MCUB: variants seen among roughly 807,000 people sequenced by gnomAD.
The protein encoded by MCUB is mitochondrial calcium uniporter dominant negative subunit beta, also known as calcium uniporter regulatory subunit MCUb, mitochondrial.
MCUB carries 46 observed loss-of-function variants against 41.4 expected under a neutral mutation model. The ratio of observed to expected loss-of-function variants is 1.11; its 90% confidence interval spans 0.88 to 1.42. MCUB has a LOEUF of 1.42. Ranked by LOEUF, MCUB falls within the 40% of genes most tolerant of loss-of-function variation. The pLI is 0.00. For missense variants in MCUB, 403 were observed against 404.9 expected, an observed-to-expected ratio of 1.00 and a Z score of 0.04; for synonymous variants, 148 against 148.2, an observed-to-expected ratio of 1.00 and a Z score of 0.01.
At chr4:109,639,692 A>G (rs1728672965) in intron 1 of MCUB, among the ~76,000 whole-genome samples, 1 of 152,194 alleles carries the variant, frequency 6.6e-6, no homozygotes, top group Non-Finnish European at 1.5e-5. Context: ...CATCTCAAAA[A>G]AAGAAAAAAA....
At chr4:109,619,030 GCCTACCTACCTACCTACCTACCTA>G (rs762220634) in intron 1 of MCUB, among the ~76,000 whole-genome samples, 1 of 118,706 alleles carries the variant, frequency 8.4e-6, no homozygotes, top group Non-Finnish European at 1.9e-5. Flanking sequence ...CTACCTGCCT[GCCTACCTACCTACCTACCTACCTA>G]CCTACCTACC....
chr4:109,648,574 G>A (rs189450456), intron 1 of MCUB: 1 of 430,922 alleles, frequency 2.3e-6, no homozygotes, highest in East Asian at 7.0e-5. Flanking sequence ...TAGTACCTGA[G>A]ACTGAAATAT....
At chr4:109,681,115 A>G (rs1394875307) in intron 4 of MCUB, among the ~76,000 whole-genome samples, 1 of 152,236 alleles carries the variant, frequency 6.6e-6, no homozygotes, top group East Asian at 1.9e-4. Flanking sequence ...ACTAAGAAGA[A>G]AACAAACAGT....
chr4:109,579,093 C>A (rs1727104738), intron 1 of MCUB, among the ~76,000 whole-genome samples: 1 of 152,160 alleles, frequency 6.6e-6, no homozygotes, highest in African/African-American at 2.4e-5. Context: ...TGATTTGTTA[C>A]TTCTGTTAGA....
chr4:109,636,867 G>C (rs1246507805), intron 1 of MCUB, among the ~76,000 whole-genome samples: 2 of 152,122 alleles, frequency 1.3e-5, no homozygotes, highest in African/African-American at 4.8e-5. Context: ...TCAAGGAAGA[G>C]AGAGTGATCA....
chr4:109,569,338 G>T lies in MCUB; in HGVS notation c.99+8902G>T, dbSNP rs571057285. ...TGAGATTACAGGCGTTAGCCACTGCGCCTGGCCATGAATAGTAGTCTTAAA... is the reference window on the plus strand; with the variant it reads ...TGAGATTACAGGCGTTAGCCACTGCTCCTGGCCATGAATAGTAGTCTTAAA... On this transcript the variant is annotated intron_variant, in intron 1 of 7. Transcript: ENST00000394650. Among the ~76,000 whole-genome samples, 49 of 151,918 alleles carry T rather than the reference G, an allele frequency of 3.2e-4. 1 individual carries two copies. The South Asian group carries it at 9.8e-3, about 30-fold the overall frequency.
rs33926597 is a variant in MCUB at position 109,632,615 on chromosome 4, CTTTTTTTTTT to C, written c.100-26387_100-26378del. ...ATCCCTTTTATGTCTTCTGTCATTG[CTTTTTTTTTT>C]TTTTTTTTAAGGTGGAGTCTCACTC... is the stretch of plus-strand genomic sequence containing the variant. On this transcript the variant is annotated intron_variant, in intron 1 of 7. Coordinates refer to ENST00000394650, the MANE Select transcript of MCUB (RefSeq NM_017918.5). Among the ~76,000 whole-genome samples the C allele has an allele frequency of 6.1e-3, 716 of 116,984 alleles. 6 individuals are homozygous for C. Among genetic ancestry groups the C allele is most frequent in the Non-Finnish European group, 7.8e-3 (469 of 59,882 alleles). The allele number at this position is 116,984 out of a possible 152,430, so 76.7% of individuals were successfully genotyped here.
intron 1 of MCUB, among the ~76,000 whole-genome samples, chr4:109,580,776 GC>G (rs1435451283): frequency 6.6e-6 from 1 of 152,134 alleles, no homozygotes; most frequent in African/African-American, 2.4e-5. Flanking sequence ...CTGGATATTA[GC>G]CCTTTGTCAG....
chr4:109,671,590 T>G (rs1376609323), intron 4 of MCUB, among the ~76,000 whole-genome samples: 1 of 152,226 alleles, frequency 6.6e-6, no homozygotes, highest in African/African-American at 2.4e-5. Flanking sequence ...TTTCTAAGTT[T>G]CTATCTCTCC....
At position 109,560,268 on chromosome 4, in the gene MCUB, T is replaced by C. The variant is rs909733648; in HGVS notation, c.-70T>C. ...CCCACAGCTCGGAGCCACCAGGCGC[T>C]GACGAGGAGCCCGGCTGAGGGAGGA... On this transcript the variant is annotated 5_prime_UTR_variant, in exon 1 of 8. Transcript: ENST00000394650. 469 of 785,694 alleles carry C rather than the reference T, an allele frequency of 6.0e-4. 1 individual carries two copies. Among genetic ancestry groups the C allele is most frequent in the Admixed American group, 8.8e-4 (20 of 22,732 alleles). The allele number at this position is 785,694 out of a possible 1,614,324, so 48.7% of individuals were successfully genotyped here.
intron 1 of MCUB, among the ~76,000 whole-genome samples, chr4:109,601,478 A>G (rs1377421380): frequency 6.6e-6 from 1 of 152,178 alleles, no homozygotes; most frequent in Non-Finnish European, 1.5e-5. Context: ...GCTCCCACGA[A>G]TATGATAACA....
intron 1 of MCUB, among the ~76,000 whole-genome samples, chr4:109,643,062 G>A (rs1273252625): frequency 1.3e-5 from 2 of 151,534 alleles, no homozygotes; most frequent in Non-Finnish European, 1.5e-5. Flanking sequence ...CAAAGTGCTG[G>A]GATTACAGAC....
chr4:109,674,052 T>C (rs766117040), intron 4 of MCUB: 5 of 1,373,980 alleles, frequency 3.6e-6, no homozygotes, highest in Non-Finnish European at 5.2e-6. Flanking sequence ...CCCAAGGCTT[T>C]GTTGTAGGAG....
intron 4 of MCUB, among the ~76,000 whole-genome samples, chr4:109,675,525 T>C (rs928005919): frequency 1.3e-5 from 2 of 152,366 alleles, no homozygotes; most frequent in Admixed American, 1.3e-4. Flanking sequence ...GAAAGCTCAG[T>C]ACCCTCTGGA....
At chr4:109,613,988 T>C (rs1347825774) in intron 1 of MCUB, among the ~76,000 whole-genome samples, 1 of 152,220 alleles carries the variant, frequency 6.6e-6, no homozygotes, top group Non-Finnish European at 1.5e-5. Context: ...CTTGTGTGCA[T>C]GAGTTTACAT....
chr4:109,582,383 G>C (rs1263702762), intron 1 of MCUB, among the ~76,000 whole-genome samples: 3 of 109,158 alleles, frequency 2.7e-5, no homozygotes, highest in African/African-American at 7.0e-5. Flanking sequence ...GTTGTGGGGT[G>C]GGGGGAGGGG....
intron 1 of MCUB, among the ~76,000 whole-genome samples, chr4:109,573,111 C>T (rs1488482317): frequency 1.3e-5 from 2 of 152,140 alleles, no homozygotes; most frequent in African/African-American, 2.4e-5. Flanking sequence ...CTACACTGCA[C>T]CAGACTAATC....
At chr4:109,663,587 G>A (rs1301841470) in intron 3 of MCUB, among the ~76,000 whole-genome samples, 3 of 152,012 alleles carry the variant, frequency 2.0e-5, no homozygotes, top group Non-Finnish European at 4.4e-5. Flanking sequence ...TTTTTTTCAA[G>A]CTTGAAAGGA....
chr4:109,603,368 A>G (rs1727790685), intron 1 of MCUB, among the ~76,000 whole-genome samples: 1 of 152,110 alleles, frequency 6.6e-6, no homozygotes, highest in Non-Finnish European at 1.5e-5. Context: ...AGGTGCCCGG[A>G]TTGCAGACAG....
Sources: gnomAD v4.1 joint callset for allele counts (sites outside exome capture counted in the v4.1 genomes callset) on GRCh38, gnomAD v4.1.1 for gene constraint, MANE v1.5 for transcripts, NCBI Gene and HGNC (gene_info 2026-07-23, HGNC 2026-07-21) for gene names.